TBC1D21: variants seen among roughly 807,000 people sequenced by gnomAD.
The protein encoded by TBC1D21 is TBC1 domain family member 21.
A neutral mutation model predicts 46.0 loss-of-function variants in TBC1D21; 38 were observed. The ratio of observed to expected loss-of-function variants is 0.83; its 90% CI spans 0.64 to 1.08. The LOEUF is 1.08. Ranked by LOEUF, TBC1D21 falls within the 50% of genes least tolerant of loss-of-function variation. The pLI is 0.00. For missense variants in TBC1D21, 415 were observed against 417.9 expected (o/e 0.99, Z 0.06); for synonymous variants, 151 against 157.2 (o/e 0.96, Z 0.29).
the TBC1D21 span, among the ~76,000 whole-genome samples, chr15:73,898,343 C>T: frequency 1.3e-5 from 2 of 152,190 alleles, no homozygotes; most frequent in Admixed American, 6.5e-5. Context: ...AGGCCTCCTC[C>T]GTTTCCTCAA....
intron 3 of TBC1D21, 67 bp downstream of exon 3, chr15:73,881,814 C>T: frequency 7.2e-7 from 1 of 1,393,970 alleles, no homozygotes; most frequent in Non-Finnish European, 1.0e-6. Flanking sequence ...GCCTCCCCAG[C>T]CTGCAGACTA....
At position 73,881,488 on chromosome 15, in the gene TBC1D21, T is replaced by G; in HGVS notation, c.150T>G (p.Cys50Trp). The change falls in exon 2 of 11, where the codon TGT (cysteine) becomes TGG (tryptophan). Residue 50 changes from cysteine (C) to tryptophan (W), a missense_variant. Transcript: ENST00000300504. ...TGGCCAAATCACGGGACTTCATTTG[T>G]GTTAACATCCTGGAAAGGGTGGGTC... is the stretch of plus-strand genomic sequence containing the variant. ...GHLAKSRDFI[C>W]VNILERGLHP... is the part of the protein sequence containing the mutation. 1 of 1,614,184 alleles carries G rather than the reference T, an allele frequency of 6.2e-7. No individual in the cohort carries two copies. Among genetic ancestry groups the G allele is most frequent in the Non-Finnish European group, 8.5e-7 (1 of 1,180,004 alleles).
chr15:73,884,927 G>T (rs753490447), intron 5 of TBC1D21, 36 bp downstream of exon 5: 55 of 1,611,282 alleles, frequency 3.4e-5, no homozygotes, highest in Admixed American at 1.7e-5. Flanking sequence ...TGCCCTCCCA[G>T]GACCTGGCCC....
At chr15:73,884,654 C>T (rs930377274) in intron 4 of TBC1D21, 127 bp from the exon 5 acceptor site, 4 of 672,980 alleles carry the variant, frequency 5.9e-6, no homozygotes, top group African/African-American at 1.8e-5. Flanking sequence ...GGCTGATGTA[C>T]CTTTCACAGC....
chr15:73,890,197 A>T (rs184697025), downstream of TBC1D21, among the ~76,000 whole-genome samples: 442 of 152,214 alleles, frequency 2.9e-3, 3 homozygotes, highest in African/African-American at 0.01. Flanking sequence ...CTCTGCTCCC[A>T]TCCTGGCACT....
At chr15:73,879,585 A>G (rs2068118216) in intron 1 of TBC1D21, among the ~76,000 whole-genome samples, 1 of 152,092 alleles carries the variant, frequency 6.6e-6, no homozygotes, top group Non-Finnish European at 1.5e-5. Flanking sequence ...GTTACTCAGG[A>G]GCTTGTTAGA....
At chr15:73,907,679 C>T in the TBC1D21 span, among the ~76,000 whole-genome samples, 15 of 152,222 alleles carry the variant, frequency 9.9e-5, no homozygotes, top group Admixed American at 9.2e-4. Context: ...GTTCCATTCC[C>T]ACATTTTGTA....
At position 73,886,500 on chromosome 15, in the gene TBC1D21, C is replaced by G. The variant is rs369431316; in HGVS notation, c.677-12C>G. On this transcript the variant is annotated splice_polypyrimidine_tract_variant and intron_variant, in intron 7 of 10. Transcript: ENST00000300504. The stretch of plus-strand genomic sequence containing the variant: ...TTTCCCCTGACCACAGCCTCACCTT[C>G]TCTCCCCACAGAAGGGAAGGGTGCA... 45 of 1,612,866 alleles carry G rather than the reference C, an allele frequency of 2.8e-5. No individual in the cohort carries two copies. In the African/African-American group the frequency reaches 5.7e-4, roughly 21 times the overall value.
chr15:73,888,355 A>G, intron 9 of TBC1D21, 75 bp from the exon 10 acceptor site: 1 of 1,254,832 alleles, frequency 8.0e-7, no homozygotes, highest in Non-Finnish European at 1.1e-6. Context: ...TGCTGCAGGC[A>G]GCTGCATGTG....
In TBC1D21 at chr15:73,873,789, T is replaced by G. The variant is rs774803377; in HGVS notation, c.60+20T>G. 1.2e-5 allele frequency: 20 copies of G among 1,606,272 alleles called. No homozygotes were observed. In the South Asian group the frequency reaches 2.2e-4, roughly 18 times the overall value. On this transcript the variant is annotated intron_variant, in intron 1 of 10. Coordinates refer to ENST00000300504, the MANE Select transcript of TBC1D21 (RefSeq NM_153356.3). Reference sequence around the variant, plus strand: ...ATCCTGGTGCGTGTTCTTTGTCAGCTCTGAGTGCCTCCCTCCCCAGCCTCT... The same window carrying G: ...ATCCTGGTGCGTGTTCTTTGTCAGCGCTGAGTGCCTCCCTCCCCAGCCTCT...
chr15:73,888,138 T>C (rs770432724), intron 9 of TBC1D21, among the ~76,000 whole-genome samples: 7 of 152,180 alleles, frequency 4.6e-5, no homozygotes, highest in Non-Finnish European at 8.8e-5. Context: ...AAGAAACAAA[T>C]CTTAGGTGAC....
At chr15:73,909,368 C>T in the TBC1D21 span, among the ~76,000 whole-genome samples, 1 of 97,926 alleles carries the variant, frequency 1.0e-5, no homozygotes, top group African/African-American at 3.2e-5. Flanking sequence ...GAGACTCCAT[C>T]TCAAAAAAAA....
chr15:73,876,391 G>T (rs2068067896), intron 1 of TBC1D21, among the ~76,000 whole-genome samples: 1 of 114,342 alleles, frequency 8.7e-6, no homozygotes, highest in Non-Finnish European at 1.8e-5. Flanking sequence ...CAACACCCGG[G>T]TAATTTTTGT....
Position 73,886,116 on chromosome 15 carries a change from C to T in TBC1D21, c.618C>T (p.Asn206=). The T allele has an allele frequency of 6.2e-7, 1 of 1,614,184 alleles. No homozygotes were observed. Among genetic ancestry groups the T allele is most frequent in the Non-Finnish European group, 8.5e-7 (1 of 1,180,022 alleles). The change falls in exon 7 of 11, where the codon AAC becomes AAT. Residue 206 remains asparagine (N), a synonymous_variant. Transcript: ENST00000300504. The part of the protein sequence containing the change: ...SCVINIGVAK[N]LDMLSTLITF... The stretch of plus-strand genomic sequence containing the variant: ...TCATCAACATTGGCGTGGCCAAGAA[C>T]CTAGACATGCTCAGCACCCTGATCA...
the TBC1D21 span, among the ~76,000 whole-genome samples, chr15:73,895,113 G>A: frequency 1.3e-5 from 2 of 152,200 alleles, no homozygotes; most frequent in African/African-American, 4.8e-5. Flanking sequence ...ATATCTAGGG[G>A]TGGGGCCAGG....
At chr15:73,905,987 C>T in the TBC1D21 span, among the ~76,000 whole-genome samples, 2 of 152,278 alleles carry the variant, frequency 1.3e-5, no homozygotes, top group African/African-American at 2.4e-5. Context: ...AGGTATCACT[C>T]GGTGTCGGTC....
the TBC1D21 span, among the ~76,000 whole-genome samples, chr15:73,894,829 T>C: frequency 1.5e-4 from 23 of 152,286 alleles, 1 homozygote; most frequent in South Asian, 1.7e-3. Context: ...GAATTTCCAG[T>C]TGGTGCCAAG....
In TBC1D21 at chr15:73,884,834, G is replaced by T. The variant is rs750004398; in HGVS notation, c.421G>T (p.Asp141Tyr). ...DKDPLGNVLI[D>Y]KKRLEKILLL... ...AGATCCCCTGGGCAACGTCCTCATC[G>T]ACAAGAAGAGGCTAGAGAAGATCCT... The change falls in exon 5 of 11, where the codon GAC becomes TAC. Residue 141 changes from aspartate to tyrosine, a missense_variant. Asp to Tyr is a radical substitution (Grantham distance 160, BLOSUM62 -3). Coordinates refer to ENST00000300504, the MANE Select transcript of TBC1D21 (RefSeq NM_153356.3). 1.9e-6 allele frequency: 3 copies of T among 1,613,972 alleles called. No homozygotes were observed. The highest frequency in any genetic ancestry group is 2.5e-6 in the Non-Finnish European group (3 of 1,180,018).
intron 2 of TBC1D21, 46 bp from the exon 3 acceptor site, chr15:73,881,598 A>T: frequency 1.2e-6 from 2 of 1,601,086 alleles, no homozygotes; most frequent in South Asian, 2.2e-5. Flanking sequence ...CCCTTTTGGT[A>T]GGCATCGATA....
Sources: allele counts gnomAD v4.1 joint callset (sites outside exome capture counted in the v4.1 genomes callset), GRCh38; gene constraint gnomAD v4.1.1; transcripts MANE v1.5; gene names NCBI Gene and HGNC (gene_info 2026-07-23, HGNC 2026-07-21).